The following ELK4 variants were observed in gnomAD, a reference collection of about 807,000 sequenced individuals.
ELK4 encodes the protein ETS domain-containing protein Elk-4.
ELK4 carries 16 observed loss-of-function variants against 29.6 expected under a neutral mutation model. That is an observed-to-expected ratio of 0.54 (90% CI 0.37 to 0.82). The LOEUF (loss-of-function observed/expected upper bound fraction) is 0.82, where lower values mean the gene tolerates loss of function less well. Among genes scored for constraint, ELK4 ranks in the 40% least tolerant of loss-of-function variants. ELK4 has a pLI of 0.00. For missense variants in ELK4, 465 were observed against 507.1 expected (o/e 0.92, Z 0.80); for synonymous variants, 213 against 191.1 (o/e 1.11, Z -0.95).
chr1:205,619,573 C>T, intron 3 of ELK4: 1 of 1,187,490 alleles, frequency 8.4e-7, no homozygotes, highest in Non-Finnish European at 1.0e-6. Context: ...ACTTGTTACT[C>T]AACATCACAC....
In ELK4 at chr1:205,623,836, T is replaced by C. The variant is rs139169305; in HGVS notation, c.47A>G (p.Gln16Arg). 4 of 1,614,086 alleles carry C rather than the reference T, an allele frequency of 2.5e-6. No homozygotes were observed. The highest frequency in any genetic ancestry group is 2.5e-6 in the Non-Finnish European group (3 of 1,180,032). The change falls in exon 2 of 5, where the codon CAG becomes CGG. Residue 16 changes from glutamine (Q) to arginine (R), a missense_variant. By Grantham distance (43) the Gln-to-Arg change is conservative. Coordinates refer to ENST00000357992, the MANE Select transcript of ELK4 (RefSeq NM_001973.4). ...GATCATGTGCTTGTTCTGAGGCTTC[T>C]GCAGGAGCTGAAGAAGGAACTGCCA... is the stretch of plus-strand genomic sequence containing the variant. ...TLWQFLLQLL[Q>R]KPQNKHMICW... is the part of the protein sequence containing the mutation.
At chr1:205,629,170 C>CAAAAAAAAAAAAAAAAA (rs61374496) in intron 1 of ELK4, among the ~76,000 whole-genome samples, 8 of 92,268 alleles carry the variant, frequency 8.7e-5, no homozygotes, top group East Asian at 6.6e-4. Context: ...GACTACGTCT[C>CAAAAAAAAAAAAAAAAA]AAAAAAAAAA....
At chr1:205,631,239 G>A (rs1470762609) in intron 1 of ELK4, among the ~76,000 whole-genome samples, 1 of 152,162 alleles carries the variant, frequency 6.6e-6, no homozygotes, top group Non-Finnish European at 1.5e-5. Context: ...GTGCCCTACA[G>A]GAGATCAAAG....
In ELK4 at chr1:205,608,628, T is replaced by C. The variant is rs535550124; in HGVS notation, c.*7918A>G. 8 of 197,822 alleles carry C rather than the reference T, an allele frequency of 4.0e-5. No individual in the cohort carries two copies. The East Asian group carries it at 6.3e-4, about 16-fold the overall frequency. The allele number at this position is 197,822 out of a possible 1,614,324, so 12.3% of individuals were successfully genotyped here. Reference sequence around the variant, plus strand: ...GCTTTTTAGGTCTCCCTAATGTAAATTATGCTGAAATCAACTAAGACGAGC... The same window carrying C: ...GCTTTTTAGGTCTCCCTAATGTAAACTATGCTGAAATCAACTAAGACGAGC... On this transcript the variant is annotated 3_prime_UTR_variant, in exon 5 of 5. Coordinates refer to ENST00000357992, the MANE Select transcript of ELK4 (RefSeq NM_001973.4).
In ELK4 at chr1:205,616,541, A is replaced by G. The variant is rs758675516; in HGVS notation, c.*5T>C. On this transcript the variant is annotated 3_prime_UTR_variant, in exon 5 of 5. Coordinates refer to ENST00000357992, the MANE Select transcript of ELK4 (RefSeq NM_001973.4). ...CTCGGTTCTCTCATTCCACAAGTGC[A>G]TAGGTTATGTCTTCTGTAGGTCTGG... The G allele has an allele frequency of 1.9e-5, 31 of 1,613,330 alleles. No homozygotes were observed. The highest frequency in any genetic ancestry group is 2.5e-5 in the Non-Finnish European group (30 of 1,179,408).
chr1:205,625,381 A>G (rs1444770267), intron 1 of ELK4: 3 of 468,558 alleles, frequency 6.4e-6, no homozygotes, highest in Non-Finnish European at 1.2e-5. Flanking sequence ...AATGCTCTAC[A>G]TTGGCTGAAT....
At chr1:205,617,272 G>C (rs762737532) in intron 4 of ELK4, among the ~76,000 whole-genome samples, 7 of 152,080 alleles carry the variant, frequency 4.6e-5, no homozygotes, top group Non-Finnish European at 1.0e-4. Flanking sequence ...AAAAAGCAGA[G>C]AGATTTTTAA....
chr1:205,616,666 A>G (rs111534283), intron 4 of ELK4, 22 bp from the exon 5 acceptor site: 1 of 1,602,292 alleles, frequency 6.2e-7, no homozygotes, highest in South Asian at 1.1e-5. Flanking sequence ...AACAAAACAC[A>G]TTATCATCCT....
chr1:205,625,869 G>A (rs1351102506), intron 1 of ELK4: 2 of 642,510 alleles, frequency 3.1e-6, no homozygotes, highest in East Asian at 2.8e-5. Flanking sequence ...AGTAGAGGTG[G>A]GGTTTCACCA....
intron 1 of ELK4, among the ~76,000 whole-genome samples, chr1:205,625,022 T>TCA (rs1053874951): frequency 5.9e-5 from 9 of 152,094 alleles, no homozygotes; most frequent in African/African-American, 1.9e-4. Flanking sequence ...ATTGAATACT[T>TCA]CACACACACA....
rs1027647727 is a variant in ELK4 at position 205,612,803 on chromosome 1, T to G, written c.*3743A>C. ...AGTTACAGCTCCAGAATTCCAAACCTCTGATTTACTTAAGTCAGTCTTGAC... is the reference window on the plus strand; with the variant it reads ...AGTTACAGCTCCAGAATTCCAAACCGCTGATTTACTTAAGTCAGTCTTGAC... On this transcript the variant is annotated 3_prime_UTR_variant, in exon 5 of 5. Transcript: ENST00000357992. The G allele has an allele frequency of 4.8e-6, 1 of 207,780 alleles. No homozygotes were observed. Among genetic ancestry groups the G allele is most frequent in the Non-Finnish European group, 9.8e-6 (1 of 102,076 alleles). The allele number at this position is 207,780 out of a possible 1,614,324, so 12.9% of individuals were successfully genotyped here. A position where few individuals can be genotyped will look rare whatever the true frequency, so the allele number is the denominator to read the frequency against.
Position 205,608,116 on chromosome 1 carries a change from A to G in ELK4, c.*8430T>C, listed in dbSNP as rs1670100748. 5.4e-6 allele frequency: 1 copy of G among 184,632 alleles called. No homozygotes were observed. Among genetic ancestry groups the G allele is most frequent in the South Asian group, 2.0e-4 (1 of 5,102 alleles). The allele number at this position is 184,632 out of a possible 1,614,324, so 11.4% of individuals were successfully genotyped here. ...AATTCCTCTGTCAGTTCTTACATAA[A>G]ATAGATTTTTAAAAATGTATATCTT... On this transcript the variant is annotated 3_prime_UTR_variant, in exon 5 of 5. Coordinates refer to ENST00000357992, the MANE Select transcript of ELK4 (RefSeq NM_001973.4).
In ELK4 at chr1:205,609,101, T is replaced by A. The variant is rs1670114967; in HGVS notation, c.*7445A>T. 1 of 189,026 alleles carries A rather than the reference T, an allele frequency of 5.3e-6. No individual in the cohort carries two copies. The highest frequency in any genetic ancestry group is 1.9e-4 in the South Asian group (1 of 5,134). 11.7% of individuals were successfully genotyped at this position (189,026 alleles called of 1,614,324 possible). A position where few individuals can be genotyped will look rare whatever the true frequency, so the allele number is the denominator to read the frequency against. On this transcript the variant is annotated 3_prime_UTR_variant, in exon 5 of 5. Transcript: ENST00000357992. ...ACTTGGTGTATGGAATTTAAAATAA[T>A]CTAACCTAGAGCTATTTCCCATTAA...
rs1670143196 is a variant in ELK4, at chr1:205,611,026, TTATG to T, written c.*5516_*5519del. 4.5e-6 allele frequency: 1 copy of T among 221,130 alleles called. No homozygotes were observed. The highest frequency in any genetic ancestry group is 2.2e-5 in the African/African-American group (1 of 44,722). 13.7% of individuals were successfully genotyped at this position (221,130 alleles called of 1,614,324 possible). A position where few individuals can be genotyped will look rare whatever the true frequency, so the allele number is the denominator to read the frequency against. On this transcript the variant is annotated 3_prime_UTR_variant, in exon 5 of 5. Coordinates refer to ENST00000357992, the MANE Select transcript of ELK4 (RefSeq NM_001973.4). ...TTCTTGTTAAAAGTTTCCTTTAAAA[TTATG>T]TCAACAACAGCATGAATTTCCTGTT...
chr1:205,627,906 T>C (rs550597008), intron 1 of ELK4, among the ~76,000 whole-genome samples: 7 of 152,210 alleles, frequency 4.6e-5, no homozygotes, highest in African/African-American at 9.6e-5. Context: ...TAATAAAGGA[T>C]AGAAAGGGAG....
At position 205,609,523 on chromosome 1, in the gene ELK4, C is replaced by T. The variant is rs1366619026; in HGVS notation, c.*7023G>A. 1 of 193,788 alleles carries T rather than the reference C, an allele frequency of 5.2e-6. No homozygotes were observed. The highest frequency in any genetic ancestry group is 2.3e-5 in the African/African-American group (1 of 43,138). The allele number at this position is 193,788 out of a possible 1,614,324, so 12.0% of individuals were successfully genotyped here. On this transcript the variant is annotated 3_prime_UTR_variant, in exon 5 of 5. Transcript: ENST00000357992. ...TTTCTTTTCTATCTTTACATATACG[C>T]ATCTGTCAATTTCACTAATACTGAA...
In ELK4 at chr1:205,613,174, AAAG is replaced by A; in HGVS notation, c.*3369_*3371del. The A allele has an allele frequency of 1.0e-5, 2 of 198,676 alleles. No individual in the cohort carries two copies. The highest frequency in any genetic ancestry group is 2.1e-5 in the Non-Finnish European group (2 of 96,080). The allele number at this position is 198,676 out of a possible 1,614,324, so 12.3% of individuals were successfully genotyped here. The stretch of plus-strand genomic sequence containing the variant: ...AAACGTACTGTGACAAACCATTAAT[AAAG>A]AAGGATTACTAAGCCAGGTGTGGTG... On this transcript the variant is annotated 3_prime_UTR_variant, in exon 5 of 5. Transcript: ENST00000357992.
intron 4 of ELK4, 70 bp from the exon 5 acceptor site, chr1:205,616,714 A>G: frequency 7.4e-7 from 1 of 1,360,124 alleles, no homozygotes; most frequent in Non-Finnish European, 1.0e-6. Flanking sequence ...ATCCTACTCT[A>G]TTACCTGAGG....
In ELK4 at chr1:205,613,123, G is replaced by A. The variant is rs74231753; in HGVS notation, c.*3423C>T. 17,665 of 193,142 alleles carry A rather than the reference G, an allele frequency of 0.091. 1,149 individuals carry two copies. Among genetic ancestry groups the A allele is most frequent in the East Asian group, 0.24 (2,944 of 12,336 alleles). The allele number at this position is 193,142 out of a possible 1,614,324, so 12.0% of individuals were successfully genotyped here. A position where few individuals can be genotyped will look rare whatever the true frequency, so the allele number is the denominator to read the frequency against. ...TTCCACCTTTGTTCGAACACATAAAGTATGCCATGAGCAATATAACATCAC... is the reference window on the plus strand; with the variant it reads ...TTCCACCTTTGTTCGAACACATAAAATATGCCATGAGCAATATAACATCAC... On this transcript the variant is annotated 3_prime_UTR_variant, in exon 5 of 5. Coordinates refer to ENST00000357992, the MANE Select transcript of ELK4 (RefSeq NM_001973.4).
Sources: allele counts gnomAD v4.1 joint callset (sites outside exome capture counted in the v4.1 genomes callset), GRCh38; gene constraint gnomAD v4.1.1; transcripts MANE v1.5; gene names NCBI Gene and HGNC (gene_info 2026-07-23, HGNC 2026-07-21).